Variants in NDUFS7 observed in about 807,000 individuals in gnomAD.
NDUFS7 encodes the protein NADH:ubiquinone oxidoreductase core subunit S7.
Under a neutral mutation model 31.1 loss-of-function variants are expected in NDUFS7, and 11 were observed. The ratio of observed to expected loss-of-function variants is 0.35; its 90% CI spans 0.22 to 0.59. The LOEUF is 0.59. Among genes scored for constraint, NDUFS7 ranks in the 20% least tolerant of loss-of-function variants. The probability of loss-of-function intolerance (pLI) is 0.79; values close to 1 mark genes in which losing one functional copy is unlikely to be tolerated. For missense variants in NDUFS7, 263 were observed against 324.2 expected, an observed-to-expected ratio of 0.81 and a Z score of 1.45; for synonymous variants, 136 against 127.9, an observed-to-expected ratio of 1.06 and a Z score of -0.43.
At chr19:1,389,773 T>C (rs565730448) in intron 4 of NDUFS7, 76 of 339,542 alleles carry the variant, frequency 2.2e-4, no homozygotes, top group Non-Finnish European at 3.5e-5. Context: ...AATCCCCCAT[T>C]GATGGACGTT....
intron 7 of NDUFS7, chr19:1,395,077 A>G: frequency 7.9e-7 from 1 of 1,267,176 alleles, no homozygotes; most frequent in South Asian, 1.7e-5. Flanking sequence ...GCTGGCCCCC[A>G]TTGAGTCCTG....
chr19:1,394,876 G>C (rs2082585179), intron 7 of NDUFS7: 4 of 1,123,784 alleles, frequency 3.6e-6, no homozygotes, highest in Non-Finnish European at 4.4e-6. Flanking sequence ...TTCTGAACCT[G>C]CGTGGCAGCC....
chr19:1,389,145 G>A (rs1262838964), intron 4 of NDUFS7: 44 of 701,858 alleles, frequency 6.3e-5, no homozygotes, highest in East Asian at 1.6e-4. Context: ...ATGCACATAT[G>A]CACACTCGCA....
At chr19:1,395,113 G>T in intron 7 of NDUFS7, 2 of 1,352,646 alleles carry the variant, frequency 1.5e-6, no homozygotes, top group Non-Finnish European at 1.9e-6. Context: ...GGCCGGGTTA[G>T]TGAGGTCAGC....
At position 1,393,253 on chromosome 19, in the gene NDUFS7, G is replaced by T; in HGVS notation, c.467G>T (p.Gly156Val). ...YVVSMGSCAN[G>V]GGYYHYSYSV... ...TGCCTCCCCAACAGCTGCGCCAACG[G>T]AGGAGGCTACTACCACTATTCCTAC... Residue 156 changes from glycine to valine, a missense_variant, in exon 7 of 8, where the codon GGA becomes GTA. Gly to Val is a moderately radical substitution (Grantham distance 109). Coordinates refer to ENST00000233627, the MANE Select transcript of NDUFS7 (RefSeq NM_024407.5). The surrounding 1 kb of genome is among the most constrained non-coding windows in gnomAD (Gnocchi z 7.3). The T allele has an allele frequency of 6.4e-7, 1 of 1,572,882 alleles. No homozygotes were observed.
Position 1,393,230 on chromosome 19 carries a change from C to G in NDUFS7, c.456-12C>G. ...TCTTCGGCACACTCCCCTCACGGTGCCTCCCCAACAGCTGCGCCAACGGAG... is the reference window on the plus strand; with the variant it reads ...TCTTCGGCACACTCCCCTCACGGTGGCTCCCCAACAGCTGCGCCAACGGAG... On this transcript the variant is annotated splice_polypyrimidine_tract_variant and intron_variant, in intron 6 of 7. Transcript: ENST00000233627. This position sits in a 1 kb window ranked among gnomAD's most constrained non-coding sequence, Gnocchi z 7.3. 1 of 1,552,074 alleles carries G rather than the reference C, an allele frequency of 6.4e-7. No individual in the cohort carries two copies. The highest frequency in any genetic ancestry group is 8.7e-7 in the Non-Finnish European group (1 of 1,148,712).
At chr19:1,387,932 G>GGGGT in intron 2 of NDUFS7, 85 bp downstream of exon 2, 1 of 416,856 alleles carries the variant, frequency 2.4e-6, no homozygotes, top group Non-Finnish European at 4.7e-6. Flanking sequence ...GGGGGTGGGG[G>GGGGT]GAGCGCCTTG....
chr19:1,389,332 C>T (rs921699007), intron 4 of NDUFS7: 2 of 498,176 alleles, frequency 4.0e-6, no homozygotes, highest in Non-Finnish European at 7.9e-6. Flanking sequence ...CACACTCACA[C>T]ACATGCACAC....
At chr19:1,384,934 T>C (rs1391788041) in intron 1 of NDUFS7, among the ~76,000 whole-genome samples, 1 of 152,268 alleles carries the variant, frequency 6.6e-6, no homozygotes, top group South Asian at 2.1e-4. Flanking sequence ...GGCACTTCAG[T>C]GTCCTGTGTA....
Position 1,391,105 on chromosome 19 carries a change from C to A in NDUFS7, c.409-14C>A, listed in dbSNP as rs747857223. ...CCCAGAGTGAGCTGCGCACGGACCC[C>A]GCCTCTCTTCCAGGTCTACGACCAG... On this transcript the variant is annotated splice_polypyrimidine_tract_variant and intron_variant, in intron 5 of 7. Coordinates refer to ENST00000233627, the MANE Select transcript of NDUFS7 (RefSeq NM_024407.5). 8.7e-6 allele frequency: 14 copies of A among 1,612,644 alleles called. No homozygotes were observed. In the Admixed American group the frequency reaches 2.3e-4, roughly 27 times the overall value.
At chr19:1,392,202 G>A (rs1254353129) in intron 6 of NDUFS7, 1 of 152,088 alleles carries the variant, frequency 6.6e-6, no homozygotes, top group Non-Finnish European at 1.5e-5. Context: ...GCCCAGGCTG[G>A]AGTGCAGTGG....
rs1254413885 is a variant in NDUFS7, at chr19:1,389,124, TCA to T, written c.228+188_228+189del. 2.5e-5 allele frequency: 18 copies of T among 706,956 alleles called. No homozygotes were observed. The African/African-American group carries it at 2.9e-4, about 11-fold the overall frequency. The allele number at this position is 706,956 out of a possible 1,614,324, so 43.8% of individuals were successfully genotyped here. On this transcript the variant is annotated intron_variant, in intron 4 of 7. Coordinates refer to ENST00000233627, the MANE Select transcript of NDUFS7 (RefSeq NM_024407.5). ...ATGTGTACACGGACCACACGCACAC[TCA>T]CGCACACAATGCACATATGCACACT...
chr19:1,387,923 GGGGT>G (rs2082520010), intron 2 of NDUFS7, 76 bp downstream of exon 2: 1 of 436,176 alleles, frequency 2.3e-6, no homozygotes, highest in East Asian at 6.6e-5. Context: ...GGGGGGGTGG[GGGGT>G]GGGGGGAGCG....
intron 6 of NDUFS7, among the ~76,000 whole-genome samples, chr19:1,391,500 T>G (rs2082557628): frequency 1.3e-5 from 2 of 150,940 alleles, no homozygotes; most frequent in South Asian, 4.2e-4. Context: ...TTTTTTTTTT[T>G]TTTGAGACAG....
Position 1,391,130 on chromosome 19 carries a change from G to C in NDUFS7, c.420G>C (p.Gln140His), listed in dbSNP as rs2082554128. The change falls in exon 6 of 8, where the codon CAG becomes CAC. Residue 140 changes from glutamine (Q) to histidine (H), a missense_variant. Transcript: ENST00000233627. Reference sequence around the variant, plus strand: ...CGCCTCTCTTCCAGGTCTACGACCAGATGCCGGAGCCGCGCTACGTGGTCT... The same window carrying C: ...CGCCTCTCTTCCAGGTCTACGACCACATGCCGGAGCCGCGCTACGTGGTCT... ...MAPALRKVYD[Q>H]MPEPRYVVSM... The C allele has an allele frequency of 6.2e-7, 1 of 1,613,084 alleles. No homozygotes were observed.
rs1333161862 is a variant in NDUFS7, at chr19:1,393,410, G to A, written c.544+80G>A. 9 of 1,214,994 alleles carry A rather than the reference G, an allele frequency of 7.4e-6. No individual in the cohort carries two copies. The South Asian group carries it at 1.0e-4, about 14-fold the overall frequency. The allele number at this position is 1,214,994 out of a possible 1,614,324, so 75.3% of individuals were successfully genotyped here. Reference sequence around the variant, plus strand: ...ACGGAGCCCGGCGGCCCCTGTGAGGGAGTCCCACACCCCCAGCAGACGGCG... The same window carrying A: ...ACGGAGCCCGGCGGCCCCTGTGAGGAAGTCCCACACCCCCAGCAGACGGCG... On this transcript the variant is annotated intron_variant, in intron 7 of 7. Coordinates refer to ENST00000233627, the MANE Select transcript of NDUFS7 (RefSeq NM_024407.5). This position sits in a 1 kb window ranked among gnomAD's most constrained non-coding sequence, Gnocchi z 7.3.
At chr19:1,395,197 A>G in intron 7 of NDUFS7, 194 bp from the exon 8 acceptor site, 1 of 1,423,390 alleles carries the variant, frequency 7.0e-7, no homozygotes, top group Non-Finnish European at 9.2e-7. Flanking sequence ...TGCCCAGGGG[A>G]GGACCCCACT....
chr19:1,386,096 A>G (rs1254241243), intron 1 of NDUFS7, among the ~76,000 whole-genome samples: 1 of 152,172 alleles, frequency 6.6e-6, no homozygotes, highest in Non-Finnish European at 1.5e-5. Flanking sequence ...GGGAAACAGC[A>G]ACCCCGGATG....
At chr19:1,394,043 G>A in intron 7 of NDUFS7, 1 of 274,180 alleles carries the variant, frequency 3.6e-6, no homozygotes, top group Non-Finnish European at 7.2e-6. Context: ...TGTGGGACAG[G>A]GGACAGAGTC....
Sources: gnomAD v4.1 joint callset for allele counts (sites outside exome capture counted in the v4.1 genomes callset) on GRCh38, gnomAD v4.1.1 for gene constraint, Gnocchi (gnomAD v3.1) non-coding constraint, MANE v1.5 for transcripts, NCBI Gene and HGNC (gene_info 2026-07-23, HGNC 2026-07-21) for gene names.